The following WDR19 variants were observed in gnomAD, a reference collection of about 807,000 sequenced individuals.
The protein encoded by WDR19 is WD repeat domain 19.
WDR19 carries 121 observed loss-of-function variants against 180.0 expected under a neutral mutation model. That is an observed-to-expected ratio of 0.67 (90% CI 0.58 to 0.78). WDR19 has a LOEUF of 0.78. Among genes scored for constraint, WDR19 ranks in the 30% least tolerant of loss-of-function variants. WDR19 has a pLI of 0.00. For missense variants in WDR19, 1,450 were observed against 1,640.7 expected (o/e 0.88, Z 2.01); for synonymous variants, 497 against 540.7 (o/e 0.92, Z 1.12).
chr4:39,269,890 C>A, intron 30 of WDR19, 86 bp from the exon 31 acceptor site: 1 of 1,516,632 alleles, frequency 6.6e-7, no homozygotes, highest in Non-Finnish European at 8.9e-7. Context: ...ACAAGATTAA[C>A]AAAATCCACT....
chr4:39,268,145 C>T, intron 30 of WDR19, 54 bp downstream of exon 30: 1 of 1,467,708 alleles, frequency 6.8e-7, no homozygotes. Context: ...GAATCAAGCC[C>T]CAGCCCCTTT....
At position 39,195,388 on chromosome 4, in the gene WDR19, A is replaced by AAC. The variant is rs35096908; in HGVS notation, c.406+730_406+731insCA. On this transcript the variant is annotated intron_variant, in intron 5 of 36. Transcript: ENST00000399820. ...TCTCAAAAAAAAAAAACAAAAAAAC[A>AAC]AACAAACAAAAAAAAACATTTACTG... 2.5e-3 allele frequency among the ~76,000 whole-genome samples: 172 copies of AAC among 68,046 alleles called. 3 individuals are homozygous for AAC. The highest frequency in any genetic ancestry group is 0.012 in the African/African-American group (142 of 12,286). 44.6% of individuals were successfully genotyped at this position (68,046 alleles called of 152,430 possible). A position where few individuals can be genotyped will look rare whatever the true frequency, so the allele number is the denominator to read the frequency against.
chr4:39,194,440 G>T, intron 4 of WDR19, 104 bp from the exon 5 acceptor site: 1 of 634,724 alleles, frequency 1.6e-6, no homozygotes, highest in Non-Finnish European at 2.6e-6. Flanking sequence ...TTTGTACTTT[G>T]GCTTCTAAGT....
intron 3 of WDR19, among the ~76,000 whole-genome samples, chr4:39,188,871 C>G (rs1332849868): frequency 2.0e-5 from 3 of 152,014 alleles, no homozygotes; most frequent in Non-Finnish European, 2.9e-5. Flanking sequence ...CCACTTCAGC[C>G]TCCTGAGTAG....
At chr4:39,199,382 C>T in intron 5 of WDR19, 96 bp from the exon 6 acceptor site, 1 of 873,712 alleles carries the variant, frequency 1.1e-6, no homozygotes, top group Non-Finnish European at 1.8e-6. Context: ...ATTCTAAATT[C>T]TTGTCTGTTT....
At chr4:39,192,213 T>TTA (rs1286347144) in intron 4 of WDR19, among the ~76,000 whole-genome samples, 1 of 152,244 alleles carries the variant, frequency 6.6e-6, no homozygotes, top group African/African-American at 2.4e-5. Flanking sequence ...CTTGTTCTTG[T>TTA]TATACAGTTT....
intron 24 of WDR19, among the ~76,000 whole-genome samples, chr4:39,249,802 T>C (rs1732952880): frequency 1.3e-5 from 2 of 151,796 alleles, no homozygotes; most frequent in African/African-American, 2.4e-5. Context: ...CAGGAAGAAG[T>C]TGAATCTCTG....
At chr4:39,197,487 T>C (rs952690805) in intron 5 of WDR19, among the ~76,000 whole-genome samples, 1 of 149,830 alleles carries the variant, frequency 6.7e-6, no homozygotes. Context: ...TTACGCAAGG[T>C]TTTTTCAGTA....
At position 39,196,626 on chromosome 4, in the gene WDR19, T is replaced by C. The variant is rs148811857; in HGVS notation, c.406+1967T>C. Reference sequence around the variant, plus strand: ...ACCTTAATTTCTGCAGTCTCCTCTTTACTGGCCTCTCCATTTCAACTCTTG... The same window carrying C: ...ACCTTAATTTCTGCAGTCTCCTCTTCACTGGCCTCTCCATTTCAACTCTTG... On this transcript the variant is annotated intron_variant, in intron 5 of 36. Transcript: ENST00000399820. Among the ~76,000 whole-genome samples, 4 of 152,320 alleles carry C rather than the reference T, an allele frequency of 2.6e-5. No homozygotes were observed. The East Asian group carries it at 7.7e-4, about 29-fold the overall frequency.
intron 15 of WDR19, among the ~76,000 whole-genome samples, chr4:39,227,813 TG>T (rs1730430029): frequency 6.6e-6 from 1 of 152,210 alleles, no homozygotes; most frequent in South Asian, 2.1e-4. Flanking sequence ...TGAGTTAATT[TG>T]TTTCTTAATA....
At chr4:39,267,300 G>A in intron 29 of WDR19, among the ~76,000 whole-genome samples, 1 of 152,168 alleles carries the variant, frequency 6.6e-6, no homozygotes, top group East Asian at 1.9e-4. Context: ...GCAATAGAAT[G>A]TCACAGCTGG....
Position 39,240,301 on chromosome 4 carries a change from T to C in WDR19, c.2388T>C (p.Ala796=). 7.0e-7 allele frequency: 1 copy of C among 1,431,672 alleles called. No individual in the cohort carries two copies. The highest frequency in any genetic ancestry group is 1.7e-5 in the South Asian group (1 of 58,880). 88.7% of individuals were successfully genotyped at this position (1,431,672 alleles called of 1,614,324 possible). Residue 796 remains alanine, a synonymous_variant, in exon 21 of 37, where the codon GCT becomes GCC. Coordinates refer to ENST00000399820, the MANE Select transcript of WDR19 (RefSeq NM_025132.4). ...GGGGTGATTATGTAAATGCTTTGGC[T>C]CATTATGAGAAAGGAATAACAGGTG... ...EFAGDYVNAL[A]HYEKGITGDN...
chr4:39,263,884 A>G (rs2109475178), intron 28 of WDR19, among the ~76,000 whole-genome samples: 1 of 149,032 alleles, frequency 6.7e-6, no homozygotes, highest in Admixed American at 6.8e-5. Context: ...AGATCATGCC[A>G]TTGCACTCCA....
intron 3 of WDR19, among the ~76,000 whole-genome samples, chr4:39,187,191 C>T (rs950568263): frequency 1.3e-5 from 2 of 151,988 alleles, no homozygotes; most frequent in Admixed American, 6.6e-5. Flanking sequence ...GAGGCCGAGG[C>T]AGGTGGATCA....
chr4:39,279,189 C>T (rs896211796), intron 36 of WDR19, among the ~76,000 whole-genome samples: 2 of 152,180 alleles, frequency 1.3e-5, no homozygotes, highest in African/African-American at 2.4e-5. Context: ...AGCCAAAAGC[C>T]GTGCCAAAAC....
chr4:39,233,333 A>T (rs1196221364), intron 19 of WDR19, among the ~76,000 whole-genome samples: 1 of 152,204 alleles, frequency 6.6e-6, no homozygotes, highest in Non-Finnish European at 1.5e-5. Flanking sequence ...CATAGACTTC[A>T]CAGTCAGACA....
chr4:39,278,960 T>TG (rs1736188049), intron 36 of WDR19, among the ~76,000 whole-genome samples: 1 of 132,668 alleles, frequency 7.5e-6, no homozygotes, highest in Admixed American at 7.3e-5. Flanking sequence ...CTAATAAAAG[T>TG]ATTTTTTTTT....
chr4:39,253,136 T>A lies in WDR19; in HGVS notation c.2730-10T>A, dbSNP rs767979793. ...GTTAAAAAAAGTTTATCTGAGCTAT[T>A]TTTTTACAGATACAAAGAAGCTGTT... On this transcript the variant is annotated splice_polypyrimidine_tract_variant and intron_variant, in intron 24 of 36. Coordinates refer to ENST00000399820, the MANE Select transcript of WDR19 (RefSeq NM_025132.4). 3.8e-6 allele frequency: 6 copies of A among 1,567,182 alleles called. No homozygotes were observed. Among genetic ancestry groups the A allele is most frequent in the Non-Finnish European group, 3.4e-6 (4 of 1,162,934 alleles).
At chr4:39,278,332 C>A in intron 35 of WDR19, 125 bp downstream of exon 35, 1 of 1,020,942 alleles carries the variant, frequency 9.8e-7, no homozygotes, top group Non-Finnish European at 1.4e-6. Flanking sequence ...CTCAAATTGT[C>A]TTCTGGGAAG....
Sources: allele counts gnomAD v4.1 joint callset (sites outside exome capture counted in the v4.1 genomes callset), GRCh38; gene constraint gnomAD v4.1.1; transcripts MANE v1.5; gene names NCBI Gene and HGNC (gene_info 2026-07-23, HGNC 2026-07-21).